The following VPS26A variants were observed in gnomAD, a reference collection of about 807,000 sequenced individuals.
The protein encoded by VPS26A is vacuolar protein sorting-associated protein 26A.
In VPS26A, 22 loss-of-function variants were observed where a neutral mutation model predicts 42.4. The ratio of observed to expected loss-of-function variants is 0.52; its 90% confidence interval spans 0.37 to 0.74. The LOEUF is 0.74. Ranked by LOEUF, VPS26A falls within the 30% of genes least tolerant of loss-of-function variation. The pLI, the probability that VPS26A is intolerant of heterozygous loss-of-function variation, is 0.00. For synonymous variants in VPS26A, 110 were observed against 123.5 expected, an observed-to-expected ratio of 0.89 and a Z score of 0.73; for missense variants, 276 against 379.2, an observed-to-expected ratio of 0.73 and a Z score of 2.26.
intron 2 of VPS26A, among the ~76,000 whole-genome samples, chr10:69,141,742 A>G (rs1343139109): frequency 6.6e-6 from 1 of 152,262 alleles, no homozygotes; most frequent in African/African-American, 2.4e-5. Flanking sequence ...GGTAATAACC[A>G]TTAAGTGCTT....
chr10:69,129,842 A>G lies in VPS26A; in HGVS notation c.4-3056A>G, dbSNP rs141098261. 1.3e-4 allele frequency among the ~76,000 whole-genome samples: 20 copies of G among 152,318 alleles called. No homozygotes were observed. In the East Asian group the frequency reaches 3.5e-3, roughly 26 times the overall value. On this transcript the variant is annotated intron_variant, in intron 1 of 8. Coordinates refer to ENST00000263559, the MANE Select transcript of VPS26A (RefSeq NM_004896.5). ...CTGGCCCAAAAAGAAAATTTGCTAC[A>G]TATGTCAAAAGTACTAATCTGGTAA...
intron 2 of VPS26A, among the ~76,000 whole-genome samples, chr10:69,154,780 A>G (rs1306991619): frequency 1.3e-5 from 2 of 152,216 alleles, no homozygotes; most frequent in Non-Finnish European, 1.5e-5. Context: ...CAGGAGGATC[A>G]CTTAACCCTA....
Position 69,172,150 on chromosome 10 carries a change from C to T in VPS26A, c.*881C>T, listed in dbSNP as rs976976013. ...GTATGCAAATATTATTTTCTTCATA[C>T]ATTCATTTTCTTTTCAGGGGAAAAT... On this transcript the variant is annotated 3_prime_UTR_variant, in exon 9 of 9. Transcript: ENST00000263559. 5.3e-5 allele frequency: 8 copies of T among 152,080 alleles called. No homozygotes were observed. Among genetic ancestry groups the T allele is most frequent in the African/African-American group, 1.9e-4 (8 of 41,404 alleles). 9.4% of individuals were successfully genotyped at this position (152,080 alleles called of 1,614,324 possible). A position where few individuals can be genotyped will look rare whatever the true frequency, so the allele number is the denominator to read the frequency against.
chr10:69,148,868 G>A (rs1016030125), intron 2 of VPS26A, among the ~76,000 whole-genome samples: 1 of 149,686 alleles, frequency 6.7e-6, no homozygotes, highest in Admixed American at 6.8e-5. Context: ...CCATTCTCCT[G>A]CCTCAGCCTC....
chr10:69,164,952 G>A (rs1355112163), intron 6 of VPS26A, among the ~76,000 whole-genome samples: 2 of 146,286 alleles, frequency 1.4e-5, no homozygotes, highest in African/African-American at 2.5e-5. Context: ...TTTTGGAGAC[G>A]GCGTCTCCCT....
chr10:69,169,031 T>C (rs1452677444), intron 8 of VPS26A, among the ~76,000 whole-genome samples: 1 of 148,328 alleles, frequency 6.7e-6, no homozygotes, highest in Admixed American at 6.8e-5. Context: ...GGATATTGCT[T>C]TTTTTTTTTT....
intron 6 of VPS26A, 102 bp from the exon 7 acceptor site, chr10:69,165,940 C>A: frequency 8.7e-7 from 1 of 1,149,634 alleles, no homozygotes; most frequent in Non-Finnish European, 1.2e-6. Context: ...AGCGAGACAC[C>A]GTCTCTAAAA....
intron 2 of VPS26A, among the ~76,000 whole-genome samples, chr10:69,151,620 T>G (rs568186994): frequency 6.6e-6 from 1 of 152,314 alleles, no homozygotes; most frequent in South Asian, 2.1e-4. Flanking sequence ...TAAAAGCAAC[T>G]GTGTTTTAAC....
At chr10:69,155,005 C>T (rs150781228) in intron 2 of VPS26A, among the ~76,000 whole-genome samples, 1 of 151,848 alleles carries the variant, frequency 6.6e-6, no homozygotes, top group East Asian at 2.0e-4. Flanking sequence ...AAGATAATGG[C>T]CAGGTGCAGT....
At chr10:69,152,953 G>A (rs1841348452) in intron 2 of VPS26A, among the ~76,000 whole-genome samples, 1 of 138,936 alleles carries the variant, frequency 7.2e-6, no homozygotes, top group Non-Finnish European at 1.6e-5. Context: ...CTGGGCGACA[G>A]AGCGAGGCTC....
At chr10:69,127,274 G>A (rs1335427078) in intron 1 of VPS26A, among the ~76,000 whole-genome samples, 1 of 149,690 alleles carries the variant, frequency 6.7e-6, no homozygotes, top group Non-Finnish European at 1.5e-5. Context: ...ATGCCCTAAT[G>A]TAAAAAAACT....
intron 2 of VPS26A, among the ~76,000 whole-genome samples, chr10:69,150,685 C>G (rs1841284401): frequency 1.3e-5 from 2 of 152,190 alleles, no homozygotes; most frequent in African/African-American, 4.8e-5. Flanking sequence ...GCGTGAGCCA[C>G]CGCGCCCGGC....
chr10:69,124,964 C>T (rs1840618888), intron 1 of VPS26A, among the ~76,000 whole-genome samples: 1 of 152,184 alleles, frequency 6.6e-6, no homozygotes, highest in Non-Finnish European at 1.5e-5. Flanking sequence ...TTGAAACGGC[C>T]TATGAGGCAG....
In VPS26A at chr10:69,172,176, T is replaced by G. The variant is rs1304420121; in HGVS notation, c.*907T>G. ...ATTCATTTTCTTTTCAGGGGAAAAT[T>G]TTGGGATGGGGGACTCAGGAGGACC... On this transcript the variant is annotated 3_prime_UTR_variant, in exon 9 of 9. Coordinates refer to ENST00000263559, the MANE Select transcript of VPS26A (RefSeq NM_004896.5). The G allele has an allele frequency of 6.6e-6, 1 of 152,172 alleles. No homozygotes were observed. The highest frequency in any genetic ancestry group is 1.5e-5 in the Non-Finnish European group (1 of 68,012). The allele number at this position is 152,172 out of a possible 1,614,324, so 9.4% of individuals were successfully genotyped here.
chr10:69,166,144 T>C (rs1022472277), intron 7 of VPS26A, 34 bp downstream of exon 7: 3 of 1,580,538 alleles, frequency 1.9e-6, no homozygotes, highest in Non-Finnish European at 2.6e-6. Flanking sequence ...TTTTGTATAG[T>C]GCAAACATCA....
At chr10:69,141,532 G>A (rs1008638990) in intron 2 of VPS26A, among the ~76,000 whole-genome samples, 30 of 152,308 alleles carry the variant, frequency 2.0e-4, no homozygotes, top group South Asian at 2.1e-4. Context: ...AGAGGGTAGG[G>A]AATACAATCA....
In VPS26A at chr10:69,149,543, C is replaced by T. The variant is rs181946792; in HGVS notation, c.154-6269C>T. ...TTTTTTTTAAGACAGTGTCTCCTGT[C>T]GCCCAGCATGGAGTGCAGTGGTGTG... On this transcript the variant is annotated intron_variant, in intron 2 of 8. Transcript: ENST00000263559. 1.3e-4 allele frequency among the ~76,000 whole-genome samples: 20 copies of T among 152,028 alleles called. No homozygotes were observed. In the East Asian group the frequency reaches 3.1e-3, roughly 24 times the overall value.
chr10:69,151,083 G>A (rs1305460382), intron 2 of VPS26A, among the ~76,000 whole-genome samples: 1 of 151,556 alleles, frequency 6.6e-6, no homozygotes, highest in East Asian at 1.9e-4. Flanking sequence ...GGCTAACATG[G>A]TGAAACCCCG....
chr10:69,133,257 C>T (rs902698779), intron 2 of VPS26A, among the ~76,000 whole-genome samples: 3 of 151,762 alleles, frequency 2.0e-5, no homozygotes, highest in African/African-American at 7.3e-5. Flanking sequence ...AGGGAAGAGC[C>T]TCTAAATTTC....
Sources: allele counts gnomAD v4.1 joint callset (sites outside exome capture counted in the v4.1 genomes callset), GRCh38; gene constraint gnomAD v4.1.1; transcripts MANE v1.5; gene names NCBI Gene and HGNC (gene_info 2026-07-23, HGNC 2026-07-21).